The following PNPT1 variants were observed in gnomAD, a reference collection of about 807,000 sequenced individuals.
The protein encoded by PNPT1 is polyribonucleotide nucleotidyltransferase 1, mitochondrial.
A neutral mutation model predicts 119.5 loss-of-function variants in PNPT1; 53 were observed. That is an observed-to-expected ratio of 0.44 (90% CI 0.36 to 0.56). PNPT1 has a LOEUF of 0.56. Ranked by LOEUF, PNPT1 falls within the 20% of genes least tolerant of loss-of-function variation. The probability of loss-of-function intolerance (pLI) is 0.00; values close to 1 mark genes in which losing one functional copy is unlikely to be tolerated. For synonymous variants in PNPT1, 357 were observed against 322.1 expected, an observed-to-expected ratio of 1.11 and a Z score of -1.16; for missense variants, 948 against 938.5, an observed-to-expected ratio of 1.01 and a Z score of -0.13.
chr2:55,641,458 G>A (rs1464409846), intron 25 of PNPT1, among the ~76,000 whole-genome samples: 2 of 151,544 alleles, frequency 1.3e-5, no homozygotes, highest in African/African-American at 4.8e-5. Context: ...TAGTAGAGAT[G>A]GGGTTTCACG....
At chr2:55,639,557 T>C (rs1695778357) in intron 26 of PNPT1, among the ~76,000 whole-genome samples, 1 of 152,230 alleles carries the variant, frequency 6.6e-6, no homozygotes, top group Non-Finnish European at 1.5e-5. Context: ...TTAAATATCT[T>C]GGTTGGCTTT....
chr2:55,678,009 G>C (rs966879327), intron 8 of PNPT1, among the ~76,000 whole-genome samples: 1 of 152,138 alleles, frequency 6.6e-6, no homozygotes, highest in Non-Finnish European at 1.5e-5. Flanking sequence ...CCAAAGTGCT[G>C]GGATTACAGG....
chr2:55,651,885 C>CAAAAAAAAAAAAAAAAAAAAAA, intron 18 of PNPT1, among the ~76,000 whole-genome samples: 1 of 119,770 alleles, frequency 8.3e-6, no homozygotes, highest in Non-Finnish European at 1.7e-5. Flanking sequence ...AAAGGAAAGT[C>CAAAAAAAAAAAAAAAAAAAAAA]AAAAAAAAAA....
rs2104046701 is a variant in PNPT1, at chr2:55,650,050, C to G, written c.1496-2597G>C. On this transcript the variant is annotated intron_variant, in intron 18 of 27. Coordinates refer to ENST00000447944, the MANE Select transcript of PNPT1 (RefSeq NM_033109.5). ...CTGCCTCTCGAGTCCCTACCTCAAACTCCACTTCAAATAGGAGATTTTATG... is the reference window on the plus strand; with the variant it reads ...CTGCCTCTCGAGTCCCTACCTCAAAGTCCACTTCAAATAGGAGATTTTATG... Among the ~76,000 whole-genome samples, 2 of 152,328 alleles carry G rather than the reference C, an allele frequency of 1.3e-5. 1 individual carries two copies.
At position 55,663,535 on chromosome 2, in the gene PNPT1, G is replaced by A. The variant is rs140691108; in HGVS notation, c.1177-1509C>T. Reference sequence around the variant, plus strand: ...TTTAGGCTCAGGACACTTTTAGCAGGATAAACTCAAAGGAAACCACACCTT... The same window carrying A: ...TTTAGGCTCAGGACACTTTTAGCAGAATAAACTCAAAGGAAACCACACCTT... On this transcript the variant is annotated intron_variant, in intron 13 of 27. Coordinates refer to ENST00000447944, the MANE Select transcript of PNPT1 (RefSeq NM_033109.5). 8.3e-4 allele frequency among the ~76,000 whole-genome samples: 127 copies of A among 152,266 alleles called. 1 individual carries two copies. Among genetic ancestry groups the A allele is most frequent in the Non-Finnish European group, 1.3e-3 (90 of 68,016 alleles).
intron 1 of PNPT1, among the ~76,000 whole-genome samples, chr2:55,691,848 T>TTATATATATATATATA (rs869195974): frequency 4.4e-4 from 38 of 87,180 alleles, no homozygotes; most frequent in South Asian, 1.1e-3. Context: ...TTAAAAATGT[T>TTATATATATATATATA]TATATATATA....
chr2:55,637,260 C>G (rs181586646), intron 27 of PNPT1, among the ~76,000 whole-genome samples: 1 of 152,202 alleles, frequency 6.6e-6, no homozygotes, highest in Non-Finnish European at 1.5e-5. Flanking sequence ...ACAGTTCTTA[C>G]GTCAGTGCCC....
At chr2:55,668,255 G>C (rs1188319597) in intron 11 of PNPT1, among the ~76,000 whole-genome samples, 2 of 152,028 alleles carry the variant, frequency 1.3e-5, no homozygotes, top group East Asian at 3.9e-4. Flanking sequence ...TTTTCTTTTG[G>C]AGACAAAGTC....
chr2:55,646,111 A>T lies in PNPT1; in HGVS notation c.1738+148T>A, dbSNP rs1024673738. On this transcript the variant is annotated intron_variant, in intron 21 of 27. Coordinates refer to ENST00000447944, the MANE Select transcript of PNPT1 (RefSeq NM_033109.5). ...TCAAAGTGCTGGGATTACAGACATG[A>T]GCCACCACACCTGGCCAGTACTTCT... 3.9e-6 allele frequency: 3 copies of T among 771,192 alleles called. No homozygotes were observed. The African/African-American group carries it at 5.4e-5, about 14-fold the overall frequency. 47.8% of individuals were successfully genotyped at this position (771,192 alleles called of 1,614,324 possible).
intron 8 of PNPT1, 97 bp from the exon 9 acceptor site, chr2:55,673,176 C>A: frequency 1.0e-6 from 1 of 961,564 alleles, no homozygotes; most frequent in Non-Finnish European, 1.5e-6. Context: ...TATTATGGAT[C>A]AATTTTACTT....
At chr2:55,671,240 C>T in intron 11 of PNPT1, 79 bp downstream of exon 11, 1 of 689,736 alleles carries the variant, frequency 1.4e-6, no homozygotes, top group South Asian at 2.7e-5. Context: ...GACCTTTAAT[C>T]CCAAGAAGCA....
chr2:55,685,959 T>C (rs1326487014), intron 3 of PNPT1, among the ~76,000 whole-genome samples: 2 of 152,226 alleles, frequency 1.3e-5, no homozygotes, highest in Non-Finnish European at 2.9e-5. Flanking sequence ...AGTCTGTACA[T>C]ATTCAGTACA....
chr2:55,644,898 A>C (rs970855990), intron 22 of PNPT1, 178 bp from the exon 23 acceptor site: 1 of 452,140 alleles, frequency 2.2e-6, no homozygotes. Flanking sequence ...ATATTCCCTA[A>C]AATTTAAAGC....
intron 25 of PNPT1, among the ~76,000 whole-genome samples, chr2:55,642,481 C>T (rs1394772888): frequency 5.3e-5 from 8 of 151,566 alleles, no homozygotes; most frequent in Non-Finnish European, 1.0e-4. Flanking sequence ...TGGTGGCGGG[C>T]ACCTGCAGTC....
intron 18 of PNPT1, among the ~76,000 whole-genome samples, chr2:55,651,885 C>CA: frequency 0.027 from 3,190 of 119,732 alleles, 83 homozygotes; most frequent in African/African-American, 0.049. Flanking sequence ...AAAGGAAAGT[C>CA]AAAAAAAAAA....
At chr2:55,652,641 G>T (rs1696247574) in intron 18 of PNPT1, among the ~76,000 whole-genome samples, 1 of 151,902 alleles carries the variant, frequency 6.6e-6, no homozygotes, top group African/African-American at 2.4e-5. Flanking sequence ...CAGTATGAAT[G>T]GTGCACCTAT....
rs139776066 is a variant in PNPT1 at position 55,656,303 on chromosome 2, A to C, written c.1351+2T>G. The C allele has an allele frequency of 6.2e-7, 1 of 1,611,962 alleles. No individual in the cohort carries two copies. Among genetic ancestry groups the C allele is most frequent in the Non-Finnish European group, 8.5e-7 (1 of 1,179,192 alleles). ...GTATTAAGTTTACAGACCTGTACTTACCATGCCCAAGTTCTCTTCTATTTA... is the reference window on the plus strand; with the variant it reads ...GTATTAAGTTTACAGACCTGTACTTCCCATGCCCAAGTTCTCTTCTATTTA... On this transcript the variant is annotated splice_donor_variant, in intron 16 of 27. Coordinates refer to ENST00000447944, the MANE Select transcript of PNPT1 (RefSeq NM_033109.5). LOFTEE classifies it high-confidence loss of function.
At chr2:55,675,893 T>G (rs1697051786) in intron 8 of PNPT1, among the ~76,000 whole-genome samples, 1 of 152,152 alleles carries the variant, frequency 6.6e-6, no homozygotes, top group South Asian at 2.1e-4. Context: ...ATATAAAACA[T>G]TCCCTTCACT....
At chr2:55,689,819 T>G (rs888653634) in intron 1 of PNPT1, among the ~76,000 whole-genome samples, 1 of 152,150 alleles carries the variant, frequency 6.6e-6, no homozygotes, top group African/African-American at 2.4e-5. Flanking sequence ...TACACTTTAT[T>G]TATCTGTATT....
Sources: gnomAD v4.1 joint callset for allele counts (sites outside exome capture counted in the v4.1 genomes callset) on GRCh38, gnomAD v4.1.1 for gene constraint, MANE v1.5 for transcripts, NCBI Gene and HGNC (gene_info 2026-07-23, HGNC 2026-07-21) for gene names.